JARID2: variants seen among roughly 807,000 people sequenced by gnomAD.
JARID2 encodes the protein jumonji and AT-rich interaction domain containing 2.
Under a neutral mutation model 125.6 loss-of-function variants are expected in JARID2, and 21 were observed. The ratio of observed to expected loss-of-function variants is 0.17; its 90% CI spans 0.12 to 0.24. The LOEUF is 0.24. JARID2 is among the 10% of genes least tolerant of loss of function. JARID2 has a pLI of 1.00. For missense variants in JARID2, 1,303 were observed against 1,639.6 expected (o/e 0.79, Z 3.55); for synonymous variants, 736 against 661.6 (o/e 1.11, Z -1.73).
chr6:15,473,514 G>GCCCCCCCC (rs3841758), intron 5 of JARID2, among the ~76,000 whole-genome samples: 3 of 35,066 alleles, frequency 8.6e-5, no homozygotes, highest in Non-Finnish European at 1.5e-4. Flanking sequence ...TGATGTGCGT[G>GCCCCCCCC]CCCCCCCCCC....
At chr6:15,420,273 C>T (rs1025108932) in intron 3 of JARID2, among the ~76,000 whole-genome samples, 1 of 151,800 alleles carries the variant, frequency 6.6e-6, no homozygotes, top group Non-Finnish European at 1.5e-5. Context: ...CGTGGTGGTG[C>T]GCATCTGTAA....
At chr6:15,248,383 G>C (rs1375934880) in intron 1 of JARID2, 6 of 141,396 alleles carry the variant, frequency 4.2e-5, no homozygotes, top group African/African-American at 1.5e-4. Flanking sequence ...GGTGGGGCGC[G>C]GGGGTGGCGC....
intron 2 of JARID2, among the ~76,000 whole-genome samples, chr6:15,377,696 CTT>C (rs113284171): frequency 6.8e-6 from 1 of 146,072 alleles, no homozygotes. Context: ...CATGGTGGCA[CTT>C]TTTTTTTTTA....
At chr6:15,291,361 CA>C (rs1192236113) in intron 1 of JARID2, among the ~76,000 whole-genome samples, 1 of 152,152 alleles carries the variant, frequency 6.6e-6, no homozygotes, top group Non-Finnish European at 1.5e-5. Context: ...ATGGACCTAA[CA>C]AAAAAATCCC....
At position 15,374,251 on chromosome 6, in the gene JARID2, T is replaced by C. The variant is rs1764268924; in HGVS notation, c.180T>C (p.Asn60=). Residue 60 remains asparagine, a splice_region_variant and synonymous_variant, in exon 2 of 18, where the codon AAT becomes AAC. Transcript: ENST00000341776. ...TTGCTGGGAGCCTGAAAACTGTGAA[T>C]GGTGAGTTGACTCTTGGAATATCTC... The part of the protein sequence containing the change: ...EGIAGSLKTV[N]GLLGNDQSKG... 1.2e-6 allele frequency: 2 copies of C among 1,613,792 alleles called. No homozygotes were observed. The highest frequency in any genetic ancestry group is 1.7e-6 in the Non-Finnish European group (2 of 1,179,794).
At chr6:15,338,610 A>AG (rs915181497) in intron 1 of JARID2, among the ~76,000 whole-genome samples, 16 of 152,188 alleles carry the variant, frequency 1.1e-4, no homozygotes, top group African/African-American at 3.6e-4. Context: ...GAAGGCTGCA[A>AG]GGGGCAAGCC....
chr6:15,415,326 C>G (rs556620204), intron 3 of JARID2, among the ~76,000 whole-genome samples: 1 of 152,266 alleles, frequency 6.6e-6, no homozygotes, highest in Admixed American at 6.5e-5. Flanking sequence ...AATGAGCTGC[C>G]GGCTACACCT....
intron 4 of JARID2, 108 bp downstream of exon 4, chr6:15,452,283 C>T: frequency 6.8e-7 from 1 of 1,461,346 alleles, no homozygotes; most frequent in East Asian, 2.4e-5. Context: ...ATTTTTCTGT[C>T]CCCAACCTGG....
intron 2 of JARID2, among the ~76,000 whole-genome samples, chr6:15,385,147 C>G (rs550154445): frequency 2.0e-5 from 3 of 152,280 alleles, no homozygotes; most frequent in South Asian, 2.1e-4. Flanking sequence ...ATTGGGCCCC[C>G]GTATCACTCT....
intron 1 of JARID2, among the ~76,000 whole-genome samples, chr6:15,253,585 G>A (rs12196030): frequency 2.6e-5 from 4 of 151,842 alleles, no homozygotes; most frequent in South Asian, 2.1e-4. Context: ...CGTGAGCAGC[G>A]ACTGGCAGCT....
chr6:15,508,275 T>TA, intron 11 of JARID2, 65 bp from the exon 12 acceptor site: 1 of 813,478 alleles, frequency 1.2e-6, no homozygotes, highest in Non-Finnish European at 2.2e-6. Context: ...GATTTTTACT[T>TA]ACTGTTCCTT....
At chr6:15,296,128 T>G (rs1761403951) in intron 1 of JARID2, among the ~76,000 whole-genome samples, 1 of 152,238 alleles carries the variant, frequency 6.6e-6, no homozygotes. Flanking sequence ...GAAAAGATGT[T>G]TCCCTTTAAA....
At chr6:15,448,067 G>A (rs369818945) in intron 3 of JARID2, among the ~76,000 whole-genome samples, 5 of 152,282 alleles carry the variant, frequency 3.3e-5, no homozygotes, top group African/African-American at 1.2e-4. Flanking sequence ...AAGCCACACT[G>A]CAGACCTACC....
intron 7 of JARID2, 89 bp downstream of exon 7, chr6:15,497,259 C>T: frequency 3.0e-6 from 3 of 1,013,164 alleles, no homozygotes; most frequent in Non-Finnish European, 4.3e-6. Context: ...GTTCTCTTCC[C>T]TTGCGAAAGC....
intron 3 of JARID2, among the ~76,000 whole-genome samples, chr6:15,426,457 G>A (rs1766731300): frequency 6.6e-6 from 1 of 152,206 alleles, no homozygotes; most frequent in Non-Finnish European, 1.5e-5. Context: ...GCCCAGCTAG[G>A]CAGACTGGAA....
chr6:15,260,683 C>T (rs1262543612), intron 1 of JARID2, among the ~76,000 whole-genome samples: 1 of 152,212 alleles, frequency 6.6e-6, no homozygotes, highest in African/African-American at 2.4e-5. Flanking sequence ...TGCAATACTG[C>T]ACGCTCTTCT....
intron 1 of JARID2, among the ~76,000 whole-genome samples, chr6:15,372,736 G>A (rs538682868): frequency 2.0e-5 from 3 of 151,234 alleles, no homozygotes; most frequent in East Asian, 2.0e-4. Context: ...TTGAGACTGA[G>A]TCTCACTCTG....
Position 15,520,877 on chromosome 6 carries a change from T to C in JARID2, c.*626T>C. 2.2e-6 allele frequency: 1 copy of C among 455,264 alleles called. No homozygotes were observed. Among genetic ancestry groups the C allele is most frequent in the Non-Finnish European group, 4.4e-6 (1 of 226,520 alleles). 28.2% of individuals were successfully genotyped at this position (455,264 alleles called of 1,614,324 possible). Reference sequence around the variant, plus strand: ...AACGAGGAGACGGGAGCGAGTGGGCTCTCCACCAGCACATCACTATGCATC... The same window carrying C: ...AACGAGGAGACGGGAGCGAGTGGGCCCTCCACCAGCACATCACTATGCATC... On this transcript the variant is annotated 3_prime_UTR_variant, in exon 18 of 18. Coordinates refer to ENST00000341776, the MANE Select transcript of JARID2 (RefSeq NM_004973.4).
Position 15,520,554 on chromosome 6 carries a change from A to ATTT in JARID2, c.*314_*316dup. On this transcript the variant is annotated 3_prime_UTR_variant, in exon 18 of 18. Coordinates refer to ENST00000341776, the MANE Select transcript of JARID2 (RefSeq NM_004973.4). ...ACAAAAGCCTTTTTTTTTGGTTTTG[A>ATTT]TTTTTTTTTTTTTGTAACTGTTGGG... 2.4e-5 allele frequency: 6 copies of ATTT among 249,042 alleles called. No individual in the cohort carries two copies. The highest frequency in any genetic ancestry group is 1.3e-4 in the South Asian group (3 of 23,324). The allele number at this position is 249,042 out of a possible 1,614,324, so 15.4% of individuals were successfully genotyped here.
Sources: allele counts gnomAD v4.1 joint callset (sites outside exome capture counted in the v4.1 genomes callset), GRCh38; gene constraint gnomAD v4.1.1; transcripts MANE v1.5; gene names NCBI Gene and HGNC (gene_info 2026-07-23, HGNC 2026-07-21).